IL1RAP: variants seen among roughly 807,000 people sequenced by gnomAD.
The protein encoded by IL1RAP is interleukin 1 receptor accessory protein, also known as interleukin-1 receptor accessory protein.
In IL1RAP, 35 loss-of-function variants were observed where a neutral mutation model predicts 60.7. The observed-to-expected ratio is 0.58, with a 90% confidence interval of 0.44 to 0.76. IL1RAP has a LOEUF of 0.76. Among genes scored for constraint, IL1RAP ranks in the 30% least tolerant of loss-of-function variants. The pLI is 0.00. For missense variants in IL1RAP, 572 were observed against 693.9 expected (o/e 0.82, Z 1.97); for synonymous variants, 268 against 250.9 (o/e 1.07, Z -0.64).
chr3:190,522,391 C>A (rs931732788), intron 1 of IL1RAP, among the ~76,000 whole-genome samples: 1 of 142,390 alleles, frequency 7.0e-6, no homozygotes, highest in Non-Finnish European at 1.5e-5. Flanking sequence ...ATCTATGTAT[C>A]TTTCTATGTA....
intron 7 of IL1RAP, among the ~76,000 whole-genome samples, chr3:190,626,200 A>G (rs1178131900): frequency 6.6e-6 from 1 of 152,234 alleles, no homozygotes; most frequent in Non-Finnish European, 1.5e-5. Flanking sequence ...GATTTAACTT[A>G]GGAATATCAT....
At chr3:190,528,491 G>A (rs1002567889) in intron 1 of IL1RAP, among the ~76,000 whole-genome samples, 3 of 152,180 alleles carry the variant, frequency 2.0e-5, no homozygotes, top group Admixed American at 6.5e-5. Flanking sequence ...AGTAACACTG[G>A]GTTTCAGTTG....
downstream of IL1RAP, among the ~76,000 whole-genome samples, chr3:190,653,619 T>C (rs906952494): frequency 6.6e-6 from 1 of 152,068 alleles, no homozygotes; most frequent in Non-Finnish European, 1.5e-5. Context: ...ATGGAAGTTA[T>C]GACTTTTACA....
At chr3:190,532,657 A>G (rs1187634512) in intron 1 of IL1RAP, among the ~76,000 whole-genome samples, 2 of 152,172 alleles carry the variant, frequency 1.3e-5, no homozygotes, top group African/African-American at 4.8e-5. Flanking sequence ...CCAGGTCTAT[A>G]TGGCTGTAAA....
chr3:190,655,075 G>A (rs1228451477), downstream of IL1RAP, among the ~76,000 whole-genome samples: 1 of 151,976 alleles, frequency 6.6e-6, no homozygotes, highest in South Asian at 2.1e-4. Context: ...GAATTTAATT[G>A]ATAACAAGAT....
intron 6 of IL1RAP, 97 bp downstream of exon 6, chr3:190,620,537 GA>G: frequency 9.2e-7 from 1 of 1,088,304 alleles, no homozygotes; most frequent in East Asian, 2.6e-5. Context: ...AATTGTATAA[GA>G]AAAGTGATTC....
chr3:190,608,368 TA>T, intron 4 of IL1RAP, among the ~76,000 whole-genome samples: 1 of 152,196 alleles, frequency 6.6e-6, no homozygotes, highest in Non-Finnish European at 1.5e-5. Context: ...TGTCTAAATA[TA>T]GAAAAGACAC....
At chr3:190,561,140 C>T (rs576505247) in intron 2 of IL1RAP, among the ~76,000 whole-genome samples, 1 of 152,264 alleles carries the variant, frequency 6.6e-6, no homozygotes, top group African/African-American at 2.4e-5. Context: ...TTATTACCCA[C>T]GTCCCTTTGC....
rs1325380555 is a variant in IL1RAP, at chr3:190,659,091, T to A, written c.*2484T>A. Reference sequence around the variant, plus strand: ...TCCGAAGCTCAAGGAGGGAGAAGATTCTCTGACCCACTATCAGTGTTATGC... The same window carrying A: ...TCCGAAGCTCAAGGAGGGAGAAGATACTCTGACCCACTATCAGTGTTATGC... On this transcript the variant is annotated 3_prime_UTR_variant, in exon 12 of 12. Coordinates refer to the IL1RAP transcript ENST00000317757. 26 of 152,196 alleles carry A rather than the reference T, an allele frequency of 1.7e-4. 1 individual carries two copies. The highest frequency in any genetic ancestry group is 1.7e-3 in the Admixed American group (26 of 15,282). The allele number at this position is 152,196 out of a possible 1,614,324, so 9.4% of individuals were successfully genotyped here.
At chr3:190,561,335 T>A (rs2108619229) in intron 2 of IL1RAP, among the ~76,000 whole-genome samples, 1 of 152,340 alleles carries the variant, frequency 6.6e-6, no homozygotes, top group East Asian at 1.9e-4. Flanking sequence ...GTACCTTTAA[T>A]CTGTCAAAAC....
intron 1 of IL1RAP, among the ~76,000 whole-genome samples, chr3:190,515,554 T>C (rs1297118434): frequency 6.6e-6 from 1 of 152,156 alleles, no homozygotes. Context: ...CCATATGTGA[T>C]GTGGATCATG....
intron 3 of IL1RAP, among the ~76,000 whole-genome samples, chr3:190,576,262 A>G (rs918488366): frequency 1.3e-5 from 2 of 152,224 alleles, no homozygotes; most frequent in South Asian, 2.1e-4. Flanking sequence ...AATTGACTAC[A>G]TAAAGATTTT....
chr3:190,555,281 T>C (rs1205548602), intron 1 of IL1RAP, among the ~76,000 whole-genome samples: 1 of 135,824 alleles, frequency 7.4e-6, no homozygotes, highest in Non-Finnish European at 1.6e-5. Flanking sequence ...ATTGCCCAAG[T>C]GATGTGCTCC....
chr3:190,658,763 T>A (rs984324636), exon 12 of IL1RAP: 1 of 152,120 alleles, frequency 6.6e-6, no homozygotes, highest in Non-Finnish European at 1.5e-5. Context: ...TCTCAGAAGA[T>A]CCTTTCTTTG....
At chr3:190,599,193 C>T (rs1367483612) in intron 3 of IL1RAP, among the ~76,000 whole-genome samples, 5 of 152,112 alleles carry the variant, frequency 3.3e-5, no homozygotes, top group African/African-American at 1.2e-4. Flanking sequence ...GGATCCCTTT[C>T]CTCTCTTGAA....
At chr3:190,546,341 T>C (rs1316962025) in intron 1 of IL1RAP, among the ~76,000 whole-genome samples, 2 of 152,222 alleles carry the variant, frequency 1.3e-5, no homozygotes. Context: ...AGACCAGCTG[T>C]AGTGCCAGCT....
rs1454153714 is a variant in IL1RAP, at chr3:190,644,415, G to A, written c.1201+18G>A. ...CATTTTAGGTAAGTAACAGAAATTT[G>A]ACATAAACCTCTTCTACTGTCATCT... is the stretch of plus-strand genomic sequence containing the variant. On this transcript the variant is annotated intron_variant, in intron 10 of 11. Coordinates refer to ENST00000447382, the MANE Select transcript of IL1RAP (RefSeq NM_002182.4). The A allele has an allele frequency of 1.9e-6, 3 of 1,578,752 alleles. No individual in the cohort carries two copies. The highest frequency in any genetic ancestry group is 1.3e-5 in the African/African-American group (1 of 74,092).
chr3:190,530,337 C>A (rs1418122648), intron 1 of IL1RAP, among the ~76,000 whole-genome samples: 1 of 152,098 alleles, frequency 6.6e-6, no homozygotes, highest in East Asian at 1.9e-4. Flanking sequence ...ATTATCAGAT[C>A]TGTATTTTAG....
At position 190,618,226 on chromosome 3, in the gene IL1RAP, G is replaced by T. The variant is rs149347358; in HGVS notation, c.538-2049G>T. Among the ~76,000 whole-genome samples the T allele has an allele frequency of 7.4e-4, 112 of 152,270 alleles. 1 individual carries two copies. Among genetic ancestry groups the T allele is most frequent in the African/African-American group, 2.2e-3 (92 of 41,548 alleles). On this transcript the variant is annotated intron_variant, in intron 5 of 11. Transcript: ENST00000447382. ...GAATTCAAATTCCAGCTTTAACACTGTCTGGTGGTATGACATTGACAGTTA... is the reference window on the plus strand; with the variant it reads ...GAATTCAAATTCCAGCTTTAACACTTTCTGGTGGTATGACATTGACAGTTA...
Sources: gnomAD v4.1 joint callset for allele counts (sites outside exome capture counted in the v4.1 genomes callset) on GRCh38, gnomAD v4.1.1 for gene constraint, MANE v1.5 for transcripts, NCBI Gene and HGNC (gene_info 2026-07-23, HGNC 2026-07-21) for gene names.